Variants in GAB2 observed in about 807,000 individuals in gnomAD.
The protein encoded by GAB2 is GRB2-associated-binding protein 2.
A neutral mutation model predicts 65.5 loss-of-function variants in GAB2; 26 were observed. The ratio of observed to expected loss-of-function variants is 0.40; its 90% CI spans 0.29 to 0.55. The LOEUF is 0.55. GAB2 is among the 20% of genes least tolerant of loss of function. The probability of loss-of-function intolerance (pLI) is 0.53; values close to 1 mark genes in which losing one functional copy is unlikely to be tolerated. For missense variants in GAB2, 884 were observed against 875.8 expected, an observed-to-expected ratio of 1.01 and a Z score of -0.12; for synonymous variants, 321 against 329.6, an observed-to-expected ratio of 0.97 and a Z score of 0.28.
chr11:78,389,239 T>C (rs1326470745), intron 1 of GAB2, among the ~76,000 whole-genome samples: 1 of 152,014 alleles, frequency 6.6e-6, no homozygotes, highest in Non-Finnish European at 1.5e-5. Context: ...CATCTGAGAT[T>C]GACATGAAGA....
At chr11:78,279,629 TCA>T (rs1866275872) in intron 2 of GAB2, among the ~76,000 whole-genome samples, 1 of 152,064 alleles carries the variant, frequency 6.6e-6, no homozygotes, top group African/African-American at 2.4e-5. Flanking sequence ...ACTGTCACTC[TCA>T]GTCACCACCA....
At chr11:78,232,669 G>A (rs937984089) in intron 3 of GAB2, among the ~76,000 whole-genome samples, 3 of 152,146 alleles carry the variant, frequency 2.0e-5, no homozygotes, top group African/African-American at 7.2e-5. Context: ...TAAAAGTGAT[G>A]ATAAATACAT....
At chr11:78,302,035 C>G (rs1867035898) in intron 1 of GAB2, among the ~76,000 whole-genome samples, 1 of 152,124 alleles carries the variant, frequency 6.6e-6, no homozygotes, top group Non-Finnish European at 1.5e-5. Context: ...ATATAAAAAT[C>G]AACCCAAGAT....
In GAB2 at chr11:78,219,086, G is replaced by A. The variant is rs1864287737; in HGVS notation, c.*186C>T. ...GCTGGGCCCCGAGTGGGCAGAGGAG[G>A]TGCCTTGATCAGGCCCTCACCTCCC... On this transcript the variant is annotated 3_prime_UTR_variant, in exon 10 of 10. Transcript: ENST00000361507. 1.2e-5 allele frequency: 7 copies of A among 586,398 alleles called. No individual in the cohort carries two copies. Among genetic ancestry groups the A allele is most frequent in the Non-Finnish European group, 2.1e-5 (7 of 334,332 alleles). 36.3% of individuals were successfully genotyped at this position (586,398 alleles called of 1,614,324 possible). A position where few individuals can be genotyped will look rare whatever the true frequency, so the allele number is the denominator to read the frequency against.
intron 1 of GAB2, among the ~76,000 whole-genome samples, chr11:78,285,225 G>A (rs1025442926): frequency 6.6e-6 from 1 of 152,192 alleles, no homozygotes; most frequent in Non-Finnish European, 1.5e-5. Flanking sequence ...TCTGTGGAAA[G>A]AGCTGTCCCC....
intron 1 of GAB2, among the ~76,000 whole-genome samples, chr11:78,332,707 T>A (rs1219687544): frequency 6.6e-6 from 1 of 152,216 alleles, no homozygotes; most frequent in Admixed American, 6.5e-5. Flanking sequence ...TGACAAATCA[T>A]AGCTCTGGCT....
intron 3 of GAB2, among the ~76,000 whole-genome samples, chr11:78,233,395 T>G (rs1217835146): frequency 6.6e-6 from 1 of 152,222 alleles, no homozygotes; most frequent in Non-Finnish European, 1.5e-5. Context: ...ACTGAGATTT[T>G]AATTTGCATT....
chr11:78,280,422 G>A (rs188993502), intron 2 of GAB2, 179 bp downstream of exon 2: 131 of 622,856 alleles, frequency 2.1e-4, no homozygotes, highest in African/African-American at 2.0e-3. Context: ...TTTCCAGTTA[G>A]AGCATAATTA....
intron 3 of GAB2, among the ~76,000 whole-genome samples, chr11:78,229,415 A>G (rs1864773533): frequency 6.6e-6 from 1 of 152,182 alleles, no homozygotes; most frequent in Non-Finnish European, 1.5e-5. Context: ...AAGGATTTCA[A>G]GGTGGGGATG....
At chr11:78,405,823 A>T (rs1328503413) in intron 1 of GAB2, among the ~76,000 whole-genome samples, 1 of 152,234 alleles carries the variant, frequency 6.6e-6, no homozygotes, top group East Asian at 1.9e-4. Context: ...AGCATGGCAG[A>T]AACACCAACC....
At chr11:78,315,652 C>CA (rs1855588027) in intron 1 of GAB2, among the ~76,000 whole-genome samples, 2 of 151,984 alleles carry the variant, frequency 1.3e-5, no homozygotes, top group South Asian at 4.1e-4. Flanking sequence ...GGTAGCAAAA[C>CA]AAAAAATAGA....
rs1188856498 is a variant in GAB2 at position 78,407,691 on chromosome 11, A to AAGAGATGGC, written c.75+9954_75+9955insGCCATCTCT. Among the ~76,000 whole-genome samples, 12 of 148,304 alleles carry AAGAGATGGC rather than the reference A, an allele frequency of 8.1e-5. No individual in the cohort carries two copies. In the South Asian group the frequency reaches 1.5e-3, roughly 19 times the overall value. On this transcript the variant is annotated intron_variant, in intron 1 of 9. Transcript: ENST00000361507. ...AAAGAAAGAAAGAAAGAAAGAAAGA[A>AAGAGATGGC]AGAAAGAAAGAGATGGCATTTTCCG...
intron 1 of GAB2, among the ~76,000 whole-genome samples, chr11:78,356,796 T>A (rs1856365170): frequency 6.6e-6 from 1 of 152,232 alleles, no homozygotes; most frequent in Non-Finnish European, 1.5e-5. Flanking sequence ...GGTTTATAGA[T>A]ACAATGGAAT....
intron 3 of GAB2, among the ~76,000 whole-genome samples, chr11:78,239,518 C>T (rs1865072045): frequency 6.6e-6 from 1 of 152,192 alleles, no homozygotes; most frequent in South Asian, 2.1e-4. Context: ...CACACCTGGC[C>T]TCCTGAACAA....
chr11:78,319,759 A>T (rs1224351343), intron 1 of GAB2, among the ~76,000 whole-genome samples: 1 of 152,246 alleles, frequency 6.6e-6, no homozygotes, highest in Non-Finnish European at 1.5e-5. Context: ...CACATTTATT[A>T]TTCTACTGTA....
chr11:78,318,064 A>G (rs954381104), intron 1 of GAB2: 6 of 152,270 alleles, frequency 3.9e-5, no homozygotes, highest in African/African-American at 7.2e-5. Flanking sequence ...TTCCTGATTT[A>G]GGGGAAAATA....
intron 2 of GAB2, among the ~76,000 whole-genome samples, chr11:78,270,263 G>A (rs1489691939): frequency 6.6e-6 from 1 of 151,964 alleles, no homozygotes; most frequent in Non-Finnish European, 1.5e-5. Context: ...GGAGGTGGAG[G>A]GTGGAGGTTG....
At position 78,268,657 on chromosome 11, in the gene GAB2, C is replaced by T. The variant is rs1469845470; in HGVS notation, c.376+11944G>A. 4.7e-5 allele frequency among the ~76,000 whole-genome samples: 7 copies of T among 149,390 alleles called. No individual in the cohort carries two copies. In the Admixed American group the frequency reaches 4.7e-4, roughly 10 times the overall value. The stretch of plus-strand genomic sequence containing the variant: ...TGGGACGAGATGCTCCCAAGTCTAA[C>T]AGTCTTTGGGTTTTGGCAGGTAACA... On this transcript the variant is annotated intron_variant, in intron 2 of 9. Coordinates refer to ENST00000361507, the MANE Select transcript of GAB2 (RefSeq NM_080491.3).
intron 2 of GAB2, among the ~76,000 whole-genome samples, chr11:78,258,628 C>T (rs528286252): frequency 7.3e-5 from 11 of 150,380 alleles, no homozygotes; most frequent in East Asian, 5.8e-4. Flanking sequence ...GACAAGATCG[C>T]GCACTGTTGT....
Sources: gnomAD v4.1 joint callset for allele counts (sites outside exome capture counted in the v4.1 genomes callset) on GRCh38, gnomAD v4.1.1 for gene constraint, MANE v1.5 for transcripts, NCBI Gene and HGNC (gene_info 2026-07-23, HGNC 2026-07-21) for gene names.